GLMN: variants seen among roughly 807,000 people sequenced by gnomAD.
The protein encoded by GLMN is glomulin.
GLMN carries 75 observed loss-of-function variants against 87.8 expected under a neutral mutation model. The observed-to-expected ratio is 0.85, with a 90% confidence interval of 0.71 to 1.04. The LOEUF (loss-of-function observed/expected upper bound fraction) is 1.04. Among genes scored for constraint, GLMN ranks in the 50% least tolerant of loss-of-function variants. The probability of loss-of-function intolerance (pLI) is 0.00; values close to 1 mark genes in which losing one functional copy is unlikely to be tolerated. For synonymous variants in GLMN, 206 were observed against 221.6 expected (o/e 0.93, Z 0.63); for missense variants, 588 against 658.8 (o/e 0.89, Z 1.18).
chr1:92,307,177 G>C, the GLMN span: 1 of 1,591,136 alleles, frequency 6.3e-7, no homozygotes, highest in Non-Finnish European at 8.6e-7. Flanking sequence ...GATTTATAAT[G>C]TTCTTTTCAG....
In GLMN at chr1:92,249,260, T is replaced by G. The variant is rs534749789; in HGVS notation, c.1474-1271A>C. Among the ~76,000 whole-genome samples the G allele has an allele frequency of 3.3e-5, 5 of 149,812 alleles. No homozygotes were observed. In the South Asian group the frequency reaches 1.0e-3, roughly 31 times the overall value. ...ATATCAACAACGGTGTAATTTTGAT[T>G]ACTATTCTTTTTTTTTTTTTTTTGC... On this transcript the variant is annotated intron_variant, in intron 16 of 18. Transcript: ENST00000370360.
At chr1:92,279,696 C>T (rs1268977683) in intron 7 of GLMN, among the ~76,000 whole-genome samples, 1 of 152,198 alleles carries the variant, frequency 6.6e-6, no homozygotes, top group Non-Finnish European at 1.5e-5. Flanking sequence ...ATTTCCCCTT[C>T]CTAGCCAAGG....
At chr1:92,254,086 G>A (rs1653904441) in intron 16 of GLMN, among the ~76,000 whole-genome samples, 1 of 152,198 alleles carries the variant, frequency 6.6e-6, no homozygotes, top group Non-Finnish European at 1.5e-5. Flanking sequence ...ACCTGATGGA[G>A]CTGAAAAACA....
chr1:92,290,082 G>A lies in GLMN; in HGVS notation c.394+116C>T, dbSNP rs1025205164. On this transcript the variant is annotated intron_variant, in intron 5 of 18. Transcript: ENST00000370360. ...GGCATTGCTATTATTGGTTTAAGCA[G>A]AGTACTCACTAATTAGCTGTAAACT... 5.8e-5 allele frequency: 42 copies of A among 718,344 alleles called. No individual in the cohort carries two copies. The Admixed American group carries it at 6.2e-4, about 11-fold the overall frequency. The allele number at this position is 718,344 out of a possible 1,614,324, so 44.5% of individuals were successfully genotyped here. A position where few individuals can be genotyped will look rare whatever the true frequency, so the allele number is the denominator to read the frequency against.
chr1:92,255,439 A>G (rs1364670841), intron 16 of GLMN, among the ~76,000 whole-genome samples: 2 of 152,196 alleles, frequency 1.3e-5, no homozygotes, highest in Non-Finnish European at 2.9e-5. Flanking sequence ...CTCCACCCCA[A>G]ATCAACAGAA....
the GLMN span, among the ~76,000 whole-genome samples, chr1:92,333,908 A>T: frequency 2.0e-5 from 3 of 152,366 alleles, no homozygotes; most frequent in Middle Eastern, 3.4e-3. Context: ...CACACTCAGC[A>T]ACATGAGTTT....
the GLMN span, among the ~76,000 whole-genome samples, chr1:92,350,612 A>G: frequency 6.6e-6 from 1 of 152,234 alleles, no homozygotes; most frequent in Non-Finnish European, 1.5e-5. Flanking sequence ...TTGATGCATG[A>G]CTTTTAATAA....
At chr1:92,291,617 T>TC in intron 3 of GLMN, 80 bp from the exon 4 acceptor site, 1 of 1,371,436 alleles carries the variant, frequency 7.3e-7, no homozygotes, top group Non-Finnish European at 1.0e-6. Context: ...TTGGAAGAGC[T>TC]CAGAATTGTT....
At chr1:92,289,729 T>A (rs1557564976) in intron 5 of GLMN, among the ~76,000 whole-genome samples, 1 of 152,254 alleles carries the variant, frequency 6.6e-6, no homozygotes, top group East Asian at 1.9e-4. Flanking sequence ...AGCCTTATCA[T>A]CCCATATCTC....
chr1:92,264,567 T>C lies in GLMN; in HGVS notation c.1286A>G (p.Asp429Gly). 1.3e-6 allele frequency: 2 copies of C among 1,526,530 alleles called. No homozygotes were observed. The highest frequency in any genetic ancestry group is 2.3e-5 in the East Asian group (1 of 44,348). The allele number at this position is 1,526,530 out of a possible 1,614,324, so 94.6% of individuals were successfully genotyped here. Residue 429 changes from aspartate to glycine, a missense_variant, in exon 14 of 19, where the codon GAC becomes GGC. By Grantham distance (94) the Asp-to-Gly change is moderately conservative (BLOSUM62 -1). Transcript: ENST00000370360. ...CTATGTTCTTACCTTTAATGACATG[T>C]CAATTTGATTTTTGATATTTTGAAT... ...FIIQNIKNQI[D>G]MSLKRTRNNK...
At chr1:92,248,512 G>C (rs1254658096) in intron 16 of GLMN, 1 of 153,368 alleles carries the variant, frequency 6.5e-6, no homozygotes, top group Non-Finnish European at 1.5e-5. Context: ...ATGTATCTTA[G>C]AGTTTATTCC....
intron 17 of GLMN, among the ~76,000 whole-genome samples, chr1:92,247,550 T>C (rs1183800350): frequency 6.6e-6 from 1 of 152,188 alleles, no homozygotes; most frequent in African/African-American, 2.4e-5. Flanking sequence ...ATTCTTTTCA[T>C]AATTTGTATG....
chr1:92,317,236 C>T, the GLMN span, among the ~76,000 whole-genome samples: 18 of 152,228 alleles, frequency 1.2e-4, no homozygotes, highest in African/African-American at 4.1e-4. Flanking sequence ...AGGCTCGGTG[C>T]GGTGGCTCAC....
intron 9 of GLMN, among the ~76,000 whole-genome samples, chr1:92,268,540 G>GA (rs1655899695): frequency 6.6e-6 from 1 of 152,214 alleles, no homozygotes; most frequent in South Asian, 2.1e-4. Flanking sequence ...TTAGGACTTA[G>GA]ATTCAAAACA....
the GLMN span, chr1:92,320,539 G>A: frequency 9.8e-6 from 14 of 1,424,206 alleles, no homozygotes; most frequent in Non-Finnish European, 1.3e-5. Context: ...GAAAGTGCTG[G>A]GGTTACAGGC....
At chr1:92,336,440 A>C in the GLMN span, 1 of 1,507,006 alleles carries the variant, frequency 6.6e-7, no homozygotes, top group Admixed American at 1.7e-5. Context: ...TAGTGTTTAT[A>C]TTACAATTAT....
intron 7 of GLMN, among the ~76,000 whole-genome samples, chr1:92,279,614 G>A (rs542955634): frequency 6.6e-6 from 1 of 152,250 alleles, no homozygotes; most frequent in East Asian, 1.9e-4. Context: ...TGGACAGTGG[G>A]TGCAGCCCAC....
At chr1:92,327,700 T>C in the GLMN span, among the ~76,000 whole-genome samples, 1 of 151,228 alleles carries the variant, frequency 6.6e-6, no homozygotes, top group African/African-American at 2.5e-5. Flanking sequence ...ATCGTGCTAT[T>C]TGTTGCCTGA....
chr1:92,300,653 A>G (rs1650773844), upstream of GLMN, among the ~76,000 whole-genome samples: 1 of 152,232 alleles, frequency 6.6e-6, no homozygotes. Context: ...AAAAGGCAAG[A>G]TATTACCACA....
Sources: gnomAD v4.1 joint callset for allele counts (sites outside exome capture counted in the v4.1 genomes callset) on GRCh38, gnomAD v4.1.1 for gene constraint, MANE v1.5 for transcripts, NCBI Gene and HGNC (gene_info 2026-07-23, HGNC 2026-07-21) for gene names.